Variants in TLL2 observed in about 807,000 individuals in gnomAD.
TLL2 encodes tolloid like 2.
A neutral mutation model predicts 123.0 loss-of-function variants in TLL2; 106 were observed. The observed-to-expected ratio is 0.86, with a 90% CI of 0.74 to 1.01. The LOEUF is 1.01. TLL2 is among the 50% of genes least tolerant of loss of function. The pLI is 0.00. For missense variants in TLL2, 1,332 were observed against 1,336.7 expected (o/e 1.00, Z 0.06); for synonymous variants, 494 against 516.8 (o/e 0.96, Z 0.60).
At chr10:96,425,061 A>G (rs1210282286) in intron 5 of TLL2, among the ~76,000 whole-genome samples, 3 of 151,414 alleles carry the variant, frequency 2.0e-5, no homozygotes, top group East Asian at 1.9e-4. Context: ...AAATATCCCA[A>G]TTGACTAATT....
intron 1 of TLL2, 134 bp downstream of exon 1, chr10:96,513,377 C>G: frequency 8.6e-7 from 1 of 1,161,894 alleles, no homozygotes; most frequent in South Asian, 1.5e-5. Flanking sequence ...GAGGCATTGT[C>G]TTCCGGGGGA....
chr10:96,472,291 T>C (rs1432436743), intron 2 of TLL2, among the ~76,000 whole-genome samples: 2 of 152,156 alleles, frequency 1.3e-5, no homozygotes, highest in Non-Finnish European at 2.9e-5. Flanking sequence ...TTCTGTAGGA[T>C]ATCATAGGGA....
At chr10:96,381,273 A>G (rs530972705) in intron 16 of TLL2, among the ~76,000 whole-genome samples, 10 of 152,288 alleles carry the variant, frequency 6.6e-5, no homozygotes, top group Admixed American at 2.0e-4. Flanking sequence ...GTCAGATGAC[A>G]AGTTTAGGCT....
At chr10:96,476,222 G>A (rs7895360) in intron 2 of TLL2, among the ~76,000 whole-genome samples, 63,942 of 86,132 alleles carry the variant, frequency 0.74, 23,759 homozygotes, top group Middle Eastern at 0.87. Context: ...AATTTTATAT[G>A]TATATATATA....
intron 19 of TLL2, 109 bp from the exon 20 acceptor site, chr10:96,370,424 G>A (rs1311843518): frequency 1.4e-5 from 20 of 1,396,206 alleles, no homozygotes; most frequent in South Asian, 6.5e-5. Context: ...TGGCAGGAGA[G>A]GCCAGGTAGT....
At chr10:96,418,427 C>T (rs1846586735) in intron 7 of TLL2, among the ~76,000 whole-genome samples, 1 of 152,152 alleles carries the variant, frequency 6.6e-6, no homozygotes, top group Admixed American at 6.5e-5. Context: ...AAGTAGCCAT[C>T]GCATTGGTGA....
chr10:96,387,197 G>A (rs2134058682), intron 13 of TLL2, 119 bp from the exon 14 acceptor site: 1 of 1,414,900 alleles, frequency 7.1e-7, no homozygotes, highest in South Asian at 1.3e-5. Context: ...GCCACTCCTG[G>A]TGACCACCTC....
chr10:96,504,492 C>A (rs867498006), intron 1 of TLL2, among the ~76,000 whole-genome samples: 10 of 152,138 alleles, frequency 6.6e-5, no homozygotes, highest in African/African-American at 2.4e-4. Flanking sequence ...TGCCTATAAT[C>A]CCAGCTACTC....
rs376455970 is a variant in TLL2 at position 96,404,935 on chromosome 10, T to C, written c.1267+297A>G. ...TCAGCCAAACCCTACTGTTGAACAT[T>C]TAAATTGCTTGCAATTTTTCCTGCT... On this transcript the variant is annotated intron_variant, in intron 10 of 20. Coordinates refer to ENST00000357947, the MANE Select transcript of TLL2 (RefSeq NM_012465.4). 6.6e-5 allele frequency among the ~76,000 whole-genome samples: 10 copies of C among 152,358 alleles called. No homozygotes were observed. In the East Asian group the frequency reaches 1.9e-3, roughly 29 times the overall value.
chr10:96,381,409 T>C (rs1564894729), intron 16 of TLL2, among the ~76,000 whole-genome samples: 2 of 152,228 alleles, frequency 1.3e-5, no homozygotes, highest in Non-Finnish European at 2.9e-5. Flanking sequence ...TGCCCTTGGC[T>C]TCCCAGCATG....
At chr10:96,471,818 C>G (rs1589430784) in intron 2 of TLL2, among the ~76,000 whole-genome samples, 1 of 152,174 alleles carries the variant, frequency 6.6e-6, no homozygotes, top group East Asian at 1.9e-4. Context: ...GGAGGCACAC[C>G]AAAGACAGGA....
At chr10:96,399,065 G>T (rs1300377501) in intron 10 of TLL2, among the ~76,000 whole-genome samples, 2 of 151,752 alleles carry the variant, frequency 1.3e-5, no homozygotes, top group Admixed American at 1.3e-4. Context: ...TAGAGATGGG[G>T]TTTCACCGTG....
rs187443021 is a variant in TLL2, at chr10:96,466,747, C to T, written c.286+13602G>A. On this transcript the variant is annotated intron_variant, in intron 2 of 20. Coordinates refer to ENST00000357947, the MANE Select transcript of TLL2 (RefSeq NM_012465.4). Reference sequence around the variant, plus strand: ...ATCTAAGCAGACTATTCTGAAGTTCCACGAGGCATCAAAGGAAGGAGAACC... The same window carrying T: ...ATCTAAGCAGACTATTCTGAAGTTCTACGAGGCATCAAAGGAAGGAGAACC... Among the ~76,000 whole-genome samples, 179 of 152,302 alleles carry T rather than the reference C, an allele frequency of 1.2e-3. 1 individual carries two copies. Among genetic ancestry groups the T allele is most frequent in the Non-Finnish European group, 1.9e-3 (130 of 68,028 alleles).
At position 96,513,742 on chromosome 10, in the gene TLL2, C is replaced by T; in HGVS notation, c.-57G>A. 7.0e-7 allele frequency: 1 copy of T among 1,427,002 alleles called. No homozygotes were observed. Among genetic ancestry groups the T allele is most frequent in the Non-Finnish European group, 9.2e-7 (1 of 1,092,072 alleles). 88.4% of individuals were successfully genotyped at this position (1,427,002 alleles called of 1,614,324 possible). A position where few individuals can be genotyped will look rare whatever the true frequency, so the allele number is the denominator to read the frequency against. On this transcript the variant is annotated 5_prime_UTR_variant, in exon 1 of 21. Transcript: ENST00000357947. ...TTGCGTGCACGAAAGCTCAGCTCGG[C>T]CGAAAGACGGCGCACACTGGGTCGG...
chr10:96,464,178 G>A (rs887557281), intron 2 of TLL2, among the ~76,000 whole-genome samples: 1 of 152,118 alleles, frequency 6.6e-6, no homozygotes, highest in Non-Finnish European at 1.5e-5. Flanking sequence ...TGAGTCAGGA[G>A]TTCAAGACCA....
chr10:96,372,847 T>C (rs527646412), intron 19 of TLL2, among the ~76,000 whole-genome samples: 1 of 152,186 alleles, frequency 6.6e-6, no homozygotes, highest in Non-Finnish European at 1.5e-5. Flanking sequence ...CCTCGCTATG[T>C]TTTCTAGTTT....
At chr10:96,458,985 G>A (rs1847046319) in intron 2 of TLL2, among the ~76,000 whole-genome samples, 1 of 152,140 alleles carries the variant, frequency 6.6e-6, no homozygotes, top group Admixed American at 6.5e-5. Context: ...CCCAATCAGA[G>A]TGATCAACAT....
chr10:96,408,954 G>C (rs1488519386), intron 9 of TLL2, among the ~76,000 whole-genome samples: 1 of 152,180 alleles, frequency 6.6e-6, no homozygotes, highest in Non-Finnish European at 1.5e-5. Flanking sequence ...GACTAAATTA[G>C]ATGATCCACA....
chr10:96,433,026 G>A, intron 3 of TLL2, 64 bp from the exon 4 acceptor site: 1 of 1,570,154 alleles, frequency 6.4e-7, no homozygotes, highest in Non-Finnish European at 8.7e-7. Flanking sequence ...TATGGCTGAG[G>A]TTGTATTATC....
Sources: allele counts gnomAD v4.1 joint callset (sites outside exome capture counted in the v4.1 genomes callset), GRCh38; gene constraint gnomAD v4.1.1; transcripts MANE v1.5; gene names NCBI Gene and HGNC (gene_info 2026-07-23, HGNC 2026-07-21).